Variants in CYP19A1 observed in about 807,000 individuals in gnomAD.
CYP19A1 encodes the protein aromatase.
In CYP19A1, 32 loss-of-function variants were observed where a neutral mutation model predicts 44.4. The observed-to-expected ratio is 0.72, with a 90% confidence interval of 0.54 to 0.97. The LOEUF (loss-of-function observed/expected upper bound fraction) is 0.97, where lower values mean the gene tolerates loss of function less well. Among genes scored for constraint, CYP19A1 ranks in the 50% least tolerant of loss-of-function variants. The pLI is 0.00. For synonymous variants in CYP19A1, 212 were observed against 215.6 expected (o/e 0.98, Z 0.14); for missense variants, 598 against 637.8 (o/e 0.94, Z 0.67).
intron 1 of CYP19A1, chr15:51,277,397 G>A (rs2140964682): frequency 6.6e-6 from 1 of 152,242 alleles, no homozygotes; most frequent in Non-Finnish European, 1.5e-5. Context: ...CCTGAAAAAA[G>A]CAAACAAGGT....
intron 1 of CYP19A1, among the ~76,000 whole-genome samples, chr15:51,248,456 A>G (rs17601674): frequency 0.015 from 2,341 of 152,328 alleles, 23 homozygotes; most frequent in Non-Finnish European, 0.026. Flanking sequence ...TAGGGAACTC[A>G]CCATTTTATC....
At position 51,230,826 on chromosome 15, in the gene CYP19A1, T is replaced by C. The variant is rs183663926; in HGVS notation, c.297-2893A>G. Among the ~76,000 whole-genome samples the C allele has an allele frequency of 2.4e-3, 370 of 152,256 alleles. 1 individual carries two copies. Among genetic ancestry groups the C allele is most frequent in the Admixed American group, 5.0e-3 (76 of 15,296 alleles). ...TAGTAGAGACAGGGTTTCACCATGT[T>C]GGCCAGGCTGGTCTCAAACTCTTGA... is the stretch of plus-strand genomic sequence containing the variant. On this transcript the variant is annotated intron_variant, in intron 3 of 9. Transcript: ENST00000396402.
chr15:51,329,137 C>T (rs574774290), intron 1 of CYP19A1, among the ~76,000 whole-genome samples: 2 of 152,310 alleles, frequency 1.3e-5, no homozygotes, highest in South Asian at 4.1e-4. Context: ...TGAAAAACCC[C>T]GACTAATACA....
At chr15:51,317,200 C>T (rs1438634997) in intron 1 of CYP19A1, among the ~76,000 whole-genome samples, 28 of 150,910 alleles carry the variant, frequency 1.9e-4, no homozygotes, top group Admixed American at 1.8e-3. Flanking sequence ...CTCCCAGGTT[C>T]ACGCCATTCT....
At chr15:51,254,136 T>C (rs2034428639) in intron 1 of CYP19A1, among the ~76,000 whole-genome samples, 1 of 152,200 alleles carries the variant, frequency 6.6e-6, no homozygotes, top group Non-Finnish European at 1.5e-5. Context: ...CATTCAGTGA[T>C]ACGAGGAAAG....
chr15:51,305,189 C>T (rs764214649), intron 1 of CYP19A1, among the ~76,000 whole-genome samples: 1 of 152,038 alleles, frequency 6.6e-6, no homozygotes, highest in African/African-American at 2.4e-5. Flanking sequence ...CGTGATCCAT[C>T]GCGCCCGGCC....
intron 1 of CYP19A1, among the ~76,000 whole-genome samples, chr15:51,274,979 G>C (rs907059813): frequency 6.6e-6 from 1 of 152,100 alleles, no homozygotes; most frequent in Non-Finnish European, 1.5e-5. Context: ...CCACACCTGG[G>C]CTCTCCCTCC....
intron 1 of CYP19A1, among the ~76,000 whole-genome samples, chr15:51,276,319 C>G (rs1247705479): frequency 1.3e-5 from 2 of 152,154 alleles, no homozygotes; most frequent in Admixed American, 1.3e-4. Flanking sequence ...CACTGACCCC[C>G]TTGTTTCCTC....
chr15:51,325,462 A>G (rs929212265), intron 1 of CYP19A1, among the ~76,000 whole-genome samples: 11 of 152,138 alleles, frequency 7.2e-5, no homozygotes, highest in African/African-American at 2.4e-4. Flanking sequence ...TGAGCTTCAT[A>G]CTTATCCAAC....
chr15:51,253,422 G>A (rs1460356465), intron 1 of CYP19A1, among the ~76,000 whole-genome samples: 1 of 152,160 alleles, frequency 6.6e-6, no homozygotes, highest in Admixed American at 6.5e-5. Context: ...ACATGGAGCA[G>A]GTTGGGGAGT....
At chr15:51,289,325 C>T (rs2035788542) in intron 1 of CYP19A1, among the ~76,000 whole-genome samples, 1 of 152,134 alleles carries the variant, frequency 6.6e-6, no homozygotes, top group Non-Finnish European at 1.5e-5. Context: ...AAAAGGGGGC[C>T]TGGGATAAGC....
intron 1 of CYP19A1, among the ~76,000 whole-genome samples, chr15:51,247,846 A>T (rs2034133935): frequency 6.6e-6 from 1 of 152,148 alleles, no homozygotes; most frequent in Admixed American, 6.5e-5. Flanking sequence ...ATCCAGTCAC[A>T]AAGTTCTAGG....
intron 1 of CYP19A1, among the ~76,000 whole-genome samples, chr15:51,270,625 A>ACC (rs2035089545): frequency 6.6e-6 from 1 of 152,202 alleles, no homozygotes; most frequent in East Asian, 1.9e-4. Context: ...AAAAAAGGAA[A>ACC]CCACTGTGTG....
At chr15:51,280,758 G>T (rs2035491041) in intron 1 of CYP19A1, among the ~76,000 whole-genome samples, 1 of 152,162 alleles carries the variant, frequency 6.6e-6, no homozygotes, top group African/African-American at 2.4e-5. Flanking sequence ...AAAAATTTTG[G>T]TACAGCTGTA....
rs2032730835 is a variant in CYP19A1 at position 51,227,953 on chromosome 15, T to C, written c.297-20A>G. 5.4e-6 allele frequency: 8 copies of C among 1,492,976 alleles called. No individual in the cohort carries two copies. The highest frequency in any genetic ancestry group is 7.5e-6 in the Non-Finnish European group (8 of 1,069,526). The allele number at this position is 1,492,976 out of a possible 1,614,324, so 92.5% of individuals were successfully genotyped here. ...GAGGACCTGAAAAGACAGGAAACTT[T>C]GGTGTCAATTTTTAAGGGTCAGGAG... On this transcript the variant is annotated intron_variant, in intron 3 of 9. Coordinates refer to ENST00000396402, the MANE Select transcript of CYP19A1 (RefSeq NM_000103.4).
chr15:51,237,728 T>G (rs2141108771), intron 2 of CYP19A1, among the ~76,000 whole-genome samples: 1 of 152,310 alleles, frequency 6.6e-6, no homozygotes, highest in South Asian at 2.1e-4. Flanking sequence ...CTTACAATCT[T>G]GCTTATGCAG....
chr15:51,279,122 T>G (rs2035428030), intron 1 of CYP19A1: 1 of 152,246 alleles, frequency 6.6e-6, no homozygotes, highest in South Asian at 2.1e-4. Context: ...TCTCTGTGAC[T>G]CTGTCCTGGG....
Position 51,269,560 on chromosome 15 carries a change from T to C in CYP19A1, c.-38-26610A>G, listed in dbSNP as rs138794145. Among the ~76,000 whole-genome samples, 31 of 152,240 alleles carry C rather than the reference T, an allele frequency of 2.0e-4. 1 individual carries two copies. The highest frequency in any genetic ancestry group is 8.5e-4 in the Admixed American group (13 of 15,290). On this transcript the variant is annotated intron_variant, in intron 1 of 9. Transcript: ENST00000396402. ...CAAATCTCCTTAAAACAACAACAACTACCACTACTACTACTATTTGGAGCA... is the reference window on the plus strand; with the variant it reads ...CAAATCTCCTTAAAACAACAACAACCACCACTACTACTACTATTTGGAGCA...
Position 51,283,533 on chromosome 15 carries a change from G to A in CYP19A1, c.-38-40583C>T, listed in dbSNP as rs117988871. On this transcript the variant is annotated intron_variant, in intron 1 of 9. Transcript: ENST00000396402. The stretch of plus-strand genomic sequence containing the variant: ...ATGGCATTGGAGGTAACTTACATAA[G>A]GCTACTCTTTCAGCTCAGGCTATGG... Among the ~76,000 whole-genome samples the A allele has an allele frequency of 7.2e-3, 1,092 of 152,286 alleles. 7 individuals carry two copies. Among genetic ancestry groups the A allele is most frequent in the Non-Finnish European group, 0.011 (761 of 68,022 alleles).
Sources: allele counts gnomAD v4.1 joint callset (sites outside exome capture counted in the v4.1 genomes callset), GRCh38; gene constraint gnomAD v4.1.1; transcripts MANE v1.5; gene names NCBI Gene and HGNC (gene_info 2026-07-23, HGNC 2026-07-21).